The following PRDM12 variants were observed in gnomAD, a reference collection of about 807,000 sequenced individuals.
PRDM12 encodes the protein PR/SET domain 12.
A neutral mutation model predicts 29.6 loss-of-function variants in PRDM12; 17 were observed. The ratio of observed to expected loss-of-function variants is 0.57; its 90% CI spans 0.39 to 0.86. The LOEUF is 0.86. PRDM12 is among the 40% of genes least tolerant of loss of function. The pLI is 0.00. For synonymous variants in PRDM12, 231 were observed against 225.8 expected (o/e 1.02, Z -0.21); for missense variants, 422 against 510.8 (o/e 0.83, Z 1.68).
Position 130,668,095 on chromosome 9 carries a change from C to A in PRDM12, c.415-63C>A. ...GATGGAGAGTGTGTGTGTGGATGTG[C>A]CTGGAAGATGGTACACATGGCATAG... On this transcript the variant is annotated intron_variant, in intron 2 of 4. Transcript: ENST00000253008. This position sits in a 1 kb window ranked among gnomAD's most constrained non-coding sequence, Gnocchi z 4.0. The A allele has an allele frequency of 6.4e-7, 1 of 1,571,134 alleles. No individual in the cohort carries two copies. The highest frequency in any genetic ancestry group is 8.7e-7 in the Non-Finnish European group (1 of 1,145,638).
intron 2 of PRDM12, among the ~76,000 whole-genome samples, chr9:130,667,853 T>C (rs1830747929): frequency 6.6e-6 from 1 of 152,142 alleles, no homozygotes; most frequent in Non-Finnish European, 1.5e-5. Flanking sequence ...AGGGCCACTT[T>C]GTCTGGGCAG....
intron 3 of PRDM12, among the ~76,000 whole-genome samples, chr9:130,678,170 G>T (rs527241148): frequency 4.3e-4 from 66 of 152,112 alleles, no homozygotes; most frequent in African/African-American, 1.4e-3. Flanking sequence ...AGCCCTGGGG[G>T]CTGGCTGACT....
At chr9:130,675,139 C>A (rs1830829434) in intron 3 of PRDM12, among the ~76,000 whole-genome samples, 1 of 152,216 alleles carries the variant, frequency 6.6e-6, no homozygotes, top group African/African-American at 2.4e-5. Context: ...CTCGGCCTCC[C>A]AAAGTGCTGG....
At chr9:130,665,286 T>G (rs1329468648) in intron 1 of PRDM12, among the ~76,000 whole-genome samples, 1 of 150,848 alleles carries the variant, frequency 6.6e-6, no homozygotes, top group Non-Finnish European at 1.5e-5. Flanking sequence ...AACCAAGAAC[T>G]TTAAAAGGCA....
chr9:130,680,646 T>C (rs1228596203), intron 4 of PRDM12, among the ~76,000 whole-genome samples: 1 of 81,806 alleles, frequency 1.2e-5, no homozygotes. Flanking sequence ...TATATATATA[T>C]ATATATATAT....
chr9:130,679,076 G>A (rs1478767952), intron 4 of PRDM12, among the ~76,000 whole-genome samples: 2 of 152,176 alleles, frequency 1.3e-5, no homozygotes, highest in African/African-American at 4.8e-5. Flanking sequence ...CTGACAACCT[G>A]TATATTTCCT....
intron 3 of PRDM12, among the ~76,000 whole-genome samples, chr9:130,671,629 GTGTGTCTGGGTGTA>G (rs1446490734): frequency 6.6e-6 from 1 of 152,184 alleles, no homozygotes; most frequent in Non-Finnish European, 1.5e-5. Context: ...CAGATAAATT[GTGTGTCTGGGTGTA>G]TGTGGCCACC....
At position 130,681,341 on chromosome 9, in the gene PRDM12, G is replaced by T; in HGVS notation, c.776G>T (p.Arg259Leu). The stretch of plus-strand genomic sequence containing the variant: ...GGCTTCAACTCGCGCAGCAACCTGC[G>T]CTCGCACATGCGCATCCACACGCTG... ...HRGFNSRSNL[R>L]SHMRIHTLDK... is the part of the protein sequence containing the mutation. Residue 259 changes from arginine to leucine, a missense_variant, in exon 5 of 5, where the codon CGC becomes CTC. Arg to Leu is a moderately radical substitution (Grantham distance 102, BLOSUM62 -2). Transcript: ENST00000253008. This position sits in a 1 kb window ranked among gnomAD's most constrained non-coding sequence, Gnocchi z 8.1. The T allele has an allele frequency of 6.4e-7, 1 of 1,570,670 alleles. No homozygotes were observed. Among genetic ancestry groups the T allele is most frequent in the Non-Finnish European group, 8.6e-7 (1 of 1,157,480 alleles).
chr9:130,675,664 T>G (rs568145997), intron 3 of PRDM12, among the ~76,000 whole-genome samples: 1 of 152,224 alleles, frequency 6.6e-6, no homozygotes, highest in East Asian at 1.9e-4. Flanking sequence ...CAAACACCAC[T>G]CAGTGAGGCC....
intron 3 of PRDM12, among the ~76,000 whole-genome samples, chr9:130,672,871 A>AC (rs1300713265): frequency 6.6e-6 from 1 of 152,170 alleles, no homozygotes; most frequent in Non-Finnish European, 1.5e-5. Context: ...AGGAGAACAA[A>AC]CCAAAAATTC....
At chr9:130,680,659 A>ATATATATAT in intron 4 of PRDM12, among the ~76,000 whole-genome samples, 23 of 72,168 alleles carry the variant, frequency 3.2e-4, no homozygotes, top group South Asian at 1.1e-3. Flanking sequence ...ATATATATAT[A>ATATATATAT]TTTTTTTTTT....
Position 130,678,605 on chromosome 9 carries a change from C to T in PRDM12, c.647C>T (p.Pro216Leu). ...HNTFLGIPGV[P>L]GLEEDQKKNK... ...ACCTTCCTGGGGATCCCAGGTGTGC[C>T]CGGGCTAGAGGAGGACCAGAAAAAG... Residue 216 changes from proline (P) to leucine (L), a missense_variant, in exon 4 of 5, where the codon CCC becomes CTC. Transcript: ENST00000253008. 1 of 1,613,378 alleles carries T rather than the reference C, an allele frequency of 6.2e-7. No homozygotes were observed.
At chr9:130,675,734 C>T (rs1286182616) in intron 3 of PRDM12, among the ~76,000 whole-genome samples, 1 of 152,346 alleles carries the variant, frequency 6.6e-6, no homozygotes, top group African/African-American at 2.4e-5. Context: ...GTGACTTGCT[C>T]AGCAGATGGG....
chr9:130,666,561 T>C, intron 1 of PRDM12, 47 bp from the exon 2 acceptor site: 1 of 1,577,888 alleles, frequency 6.3e-7, no homozygotes. Context: ...GGGCCGGGCC[T>C]CGGCTGCCTC....
At chr9:130,675,201 T>G (rs1830831225) in intron 3 of PRDM12, among the ~76,000 whole-genome samples, 1 of 152,244 alleles carries the variant, frequency 6.6e-6, no homozygotes, top group South Asian at 2.1e-4. Flanking sequence ...TATTTATATT[T>G]AATAATAGTT....
chr9:130,676,508 A>G (rs1830844314), intron 3 of PRDM12, among the ~76,000 whole-genome samples: 1 of 152,192 alleles, frequency 6.6e-6, no homozygotes. Context: ...AAAAAAACAA[A>G]AAAGAAAAAC....
intron 3 of PRDM12, among the ~76,000 whole-genome samples, chr9:130,677,549 G>A (rs1045294744): frequency 6.6e-6 from 1 of 152,252 alleles, no homozygotes; most frequent in African/African-American, 2.4e-5. Flanking sequence ...TGGCCCCCAG[G>A]GGAAGGTGCC....
rs1212346799 is a variant in PRDM12 at position 130,682,326 on chromosome 9, C to G, written c.*657C>G. ...TACCCCCAAACCTGGCTCCTGGGGA[C>G]GGATGAGGAAGGAGCTCTTTGCAGT... On this transcript the variant is annotated 3_prime_UTR_variant, in exon 5 of 5. Coordinates refer to ENST00000253008, the MANE Select transcript of PRDM12 (RefSeq NM_021619.3). The surrounding 1 kb of genome is among the most constrained non-coding windows in gnomAD (Gnocchi z 4.2). 1 of 152,306 alleles carries G rather than the reference C, an allele frequency of 6.6e-6. No homozygotes were observed. 9.4% of individuals were successfully genotyped at this position (152,306 alleles called of 1,614,324 possible).
intron 3 of PRDM12, among the ~76,000 whole-genome samples, chr9:130,674,528 G>GTGTT (rs1554752570): frequency 6.0e-5 from 9 of 149,966 alleles, no homozygotes; most frequent in Non-Finnish European, 1.3e-4. Flanking sequence ...GTGTGTGTGT[G>GTGTT]TGTGTATAGA....
Sources: gnomAD v4.1 joint callset for allele counts (sites outside exome capture counted in the v4.1 genomes callset) on GRCh38, gnomAD v4.1.1 for gene constraint, Gnocchi (gnomAD v3.1) non-coding constraint, MANE v1.5 for transcripts, NCBI Gene and HGNC (gene_info 2026-07-23, HGNC 2026-07-21) for gene names.